The following PCSK5 variants were observed in gnomAD, a reference collection of about 807,000 sequenced individuals.
PCSK5 encodes prohormone convertase 5.
A neutral mutation model predicts 233.2 loss-of-function variants in PCSK5; 129 were observed. That is an observed-to-expected ratio of 0.55 (90% CI 0.48 to 0.64). The LOEUF is 0.64. Among genes scored for constraint, PCSK5 ranks in the 30% least tolerant of loss-of-function variants. PCSK5 has a pLI of 0.00. For synonymous variants in PCSK5, 825 were observed against 879.2 expected (o/e 0.94, Z 1.09); for missense variants, 2,076 against 2,430.1 (o/e 0.85, Z 3.06).
At chr9:76,328,864 A>C (rs1252511848) in intron 33 of PCSK5, among the ~76,000 whole-genome samples, 4 of 151,874 alleles carry the variant, frequency 2.6e-5, no homozygotes, top group South Asian at 2.1e-4. Context: ...AGTGGAGTGC[A>C]GTGGTATGAT....
intron 5 of PCSK5, among the ~76,000 whole-genome samples, chr9:76,064,110 A>C: frequency 8.4e-6 from 1 of 119,086 alleles, no homozygotes; most frequent in African/African-American, 3.9e-5. Flanking sequence ...CACCTCCCAG[A>C]CGGGGCGGCT....
chr9:76,188,762 G>T, intron 18 of PCSK5, 87 bp downstream of exon 18: 1 of 904,894 alleles, frequency 1.1e-6, no homozygotes, highest in South Asian at 1.4e-5. Context: ...CAACCCACTT[G>T]ATACTTTTAA....
intron 21 of PCSK5, among the ~76,000 whole-genome samples, chr9:76,230,264 C>T (rs780202810): frequency 2.0e-5 from 3 of 152,116 alleles, no homozygotes; most frequent in Admixed American, 6.6e-5. Flanking sequence ...AAATAATCAT[C>T]CTCTTACAAA....
chr9:76,105,156 T>A (rs990543639), intron 8 of PCSK5, among the ~76,000 whole-genome samples: 5 of 152,146 alleles, frequency 3.3e-5, no homozygotes, highest in African/African-American at 1.2e-4. Flanking sequence ...CATCAACAGA[T>A]GAATGGATGA....
intron 14 of PCSK5, among the ~76,000 whole-genome samples, chr9:76,179,023 C>T (rs1013258518): frequency 1.3e-5 from 2 of 151,952 alleles, no homozygotes; most frequent in African/African-American, 2.4e-5. Flanking sequence ...TTGAATTGCC[C>T]ATTGGCCTTT....
At chr9:76,254,494 A>G (rs924004943) in intron 24 of PCSK5, among the ~76,000 whole-genome samples, 3 of 152,044 alleles carry the variant, frequency 2.0e-5, no homozygotes, top group Admixed American at 2.0e-4. Flanking sequence ...AAAAGATGAA[A>G]TTTCCCCAAG....
intron 12 of PCSK5, among the ~76,000 whole-genome samples, chr9:76,159,901 C>T (rs1347390079): frequency 6.9e-6 from 1 of 145,538 alleles, no homozygotes; most frequent in Middle Eastern, 3.8e-3. Context: ...CGGCTCACTG[C>T]AGTCATCGCC....
chr9:76,125,909 A>G (rs1331918463), intron 9 of PCSK5, among the ~76,000 whole-genome samples: 1 of 152,066 alleles, frequency 6.6e-6, no homozygotes, highest in Non-Finnish European at 1.5e-5. Flanking sequence ...AGGACTAGCA[A>G]TCTTTATAGC....
intron 3 of PCSK5, among the ~76,000 whole-genome samples, chr9:75,990,597 A>T (rs766594212): frequency 6.6e-6 from 1 of 152,192 alleles, no homozygotes; most frequent in Non-Finnish European, 1.5e-5. Context: ...GCTAGACATG[A>T]TGCTAAGCGC....
intron 2 of PCSK5, among the ~76,000 whole-genome samples, chr9:75,955,999 C>T (rs146203377): frequency 7.1e-4 from 108 of 152,276 alleles, no homozygotes; most frequent in African/African-American, 2.2e-3. Context: ...TTAAGTAACT[C>T]GCTCAAAGCA....
intron 1 of PCSK5, among the ~76,000 whole-genome samples, chr9:75,914,265 T>G (rs895263729): frequency 7.9e-5 from 12 of 152,156 alleles, no homozygotes; most frequent in African/African-American, 2.9e-4. Flanking sequence ...TCCATAAAAT[T>G]TATTGCTTGA....
chr9:76,087,446 G>A (rs1831110292), intron 7 of PCSK5, among the ~76,000 whole-genome samples: 1 of 152,148 alleles, frequency 6.6e-6, no homozygotes, highest in Admixed American at 6.5e-5. Context: ...CCATTTCCAA[G>A]TGTCACTTTA....
intron 5 of PCSK5, among the ~76,000 whole-genome samples, chr9:76,055,097 A>G (rs970106595): frequency 1.3e-5 from 2 of 152,184 alleles, no homozygotes; most frequent in African/African-American, 2.4e-5. Flanking sequence ...CCGATGGCCA[A>G]AATGAGGATT....
intron 37 of PCSK5, among the ~76,000 whole-genome samples, chr9:76,355,269 G>A (rs937648880): frequency 2.0e-5 from 3 of 152,122 alleles, no homozygotes; most frequent in South Asian, 2.1e-4. Flanking sequence ...TCAGGAGATC[G>A]AGAACGTCCT....
intron 17 of PCSK5, among the ~76,000 whole-genome samples, chr9:76,186,745 T>C (rs149295375): frequency 5.8e-4 from 89 of 152,168 alleles, no homozygotes; most frequent in African/African-American, 2.1e-3. Flanking sequence ...CTTTGATAAG[T>C]GTTTCGGTGG....
intron 1 of PCSK5, among the ~76,000 whole-genome samples, chr9:75,929,392 T>G (rs1377637352): frequency 6.6e-6 from 1 of 151,376 alleles, no homozygotes; most frequent in South Asian, 2.1e-4. Context: ...ATTAAACCAG[T>G]ATTTGTACTA....
intron 34 of PCSK5, among the ~76,000 whole-genome samples, chr9:76,336,757 C>T (rs1293659867): frequency 2.0e-5 from 3 of 152,066 alleles, no homozygotes; most frequent in Admixed American, 6.6e-5. Context: ...TCAGTAATTA[C>T]ATGTTTAATT....
chr9:76,312,944 A>G (rs985049331), intron 30 of PCSK5, among the ~76,000 whole-genome samples: 1 of 152,192 alleles, frequency 6.6e-6, no homozygotes, highest in African/African-American at 2.4e-5. Flanking sequence ...CATACTTCTC[A>G]GGGCCTTAAT....
intron 3 of PCSK5, among the ~76,000 whole-genome samples, chr9:76,009,396 AG>A (rs997807087): frequency 1.5e-4 from 23 of 152,078 alleles, no homozygotes; most frequent in African/African-American, 4.3e-4. Context: ...TGGGAGGCCG[AG>A]GTGGGTGGAT....
Sources: gnomAD v4.1 joint callset for allele counts (sites outside exome capture counted in the v4.1 genomes callset) on GRCh38, gnomAD v4.1.1 for gene constraint, MANE v1.5 for transcripts, NCBI Gene and HGNC (gene_info 2026-07-23, HGNC 2026-07-21) for gene names.